Variants in PPP2R2D observed in about 807,000 individuals in gnomAD.
The protein encoded by PPP2R2D is protein phosphatase 2 regulatory subunit Bdelta.
Under a neutral mutation model 31.1 loss-of-function variants are expected in PPP2R2D, and 9 were observed. That is an observed-to-expected ratio of 0.29 (90% CI 0.17 to 0.51). PPP2R2D has a LOEUF of 0.51. PPP2R2D is among the 20% of genes least tolerant of loss of function. The pLI, the probability that PPP2R2D is intolerant of heterozygous loss-of-function variation, is 0.98. For missense variants in PPP2R2D, 391 were observed against 465.6 expected (o/e 0.84, Z 1.48); for synonymous variants, 179 against 172.6 (o/e 1.04, Z -0.29).
rs371756511 is a variant in PPP2R2D at position 131,955,905 on chromosome 10, A to G, written c.1304A>G (p.Asn435Ser). 23 of 1,590,928 alleles carry G rather than the reference A, an allele frequency of 1.4e-5. No homozygotes were observed. Among genetic ancestry groups the G allele is most frequent in the African/African-American group, 5.4e-5 (4 of 74,016 alleles). The change falls in exon 9 of 9, where the codon AAT becomes AGT. Residue 435 changes from asparagine (N) to serine (S), a missense_variant. Asn to Ser is a conservative substitution (Grantham distance 46). Transcript: ENST00000455566. The stretch of plus-strand genomic sequence containing the variant: ...CACACAGCCTGGCACCCCGTGGACA[A>G]TGTCATTGCCGTGGCTGCCACCAAT... ...ILHTAWHPVD[N>S]VIAVAATNNL...
chr10:131,945,232 C>A lies in PPP2R2D; in HGVS notation c.656-63C>A. 6.5e-7 allele frequency: 1 copy of A among 1,543,818 alleles called. No homozygotes were observed. Among genetic ancestry groups the A allele is most frequent in the South Asian group, 1.2e-5 (1 of 82,012 alleles). ...TTATTTGGCGTCCTATTTCGCGTGA[C>A]TGAATGTAGACTAATTAACAACCAG... is the stretch of plus-strand genomic sequence containing the variant. On this transcript the variant is annotated intron_variant, in intron 6 of 8. Coordinates refer to ENST00000455566, the MANE Select transcript of PPP2R2D (RefSeq NM_018461.5). This position sits in a 1 kb window ranked among gnomAD's most constrained non-coding sequence, Gnocchi z 4.8.
chr10:131,919,118 G>GTGTT lies in PPP2R2D; in HGVS notation c.101-15337_101-15336insTTGT, dbSNP rs573215343. Among the ~76,000 whole-genome samples the GTGTT allele has an allele frequency of 1.2e-3, 144 of 124,902 alleles. 22 individuals are homozygous for GTGTT. The highest frequency in any genetic ancestry group is 4.0e-3 in the African/African-American group (130 of 32,798). The allele number at this position is 124,902 out of a possible 152,430, so 81.9% of individuals were successfully genotyped here. On this transcript the variant is annotated intron_variant, in intron 2 of 8. Coordinates refer to ENST00000455566, the MANE Select transcript of PPP2R2D (RefSeq NM_018461.5). The stretch of plus-strand genomic sequence containing the variant: ...GGGACGTCAGGCGGCTGGAATGACA[G>GTGTT]TGTAGGGACCTCAGGCGGGTGGAAT...
the PPP2R2D span, chr10:131,967,479 C>T: frequency 6.6e-6 from 1 of 152,308 alleles, no homozygotes; most frequent in Non-Finnish European, 1.5e-5. Context: ...TGACTGCTTC[C>T]AAGGTAGCAT....
chr10:131,965,710 T>C, the PPP2R2D span, among the ~76,000 whole-genome samples: 1 of 152,224 alleles, frequency 6.6e-6, no homozygotes, highest in Admixed American at 6.5e-5. Context: ...CCTCCCAAAG[T>C]GCTGGGATTA....
chr10:131,959,713 G>A lies in PPP2R2D; in HGVS notation c.*3750G>A, dbSNP rs2036897042. ...CACAATTTACAAAGTCTGAGGTGTG[G>A]AACAGTTATTTAAGCATTAGTCAAC... On this transcript the variant is annotated 3_prime_UTR_variant, in exon 9 of 9. Transcript: ENST00000455566. 1 of 152,230 alleles carries A rather than the reference G, an allele frequency of 6.6e-6. No individual in the cohort carries two copies. Among genetic ancestry groups the A allele is most frequent in the African/African-American group, 2.4e-5 (1 of 41,428 alleles). 9.4% of individuals were successfully genotyped at this position (152,230 alleles called of 1,614,324 possible).
chr10:131,948,236 G>T (rs2036577056), intron 8 of PPP2R2D, among the ~76,000 whole-genome samples: 1 of 152,130 alleles, frequency 6.6e-6, no homozygotes, highest in African/African-American at 2.4e-5. Flanking sequence ...GGTCATGGCT[G>T]GTCTGAAACA....
intron 2 of PPP2R2D, among the ~76,000 whole-genome samples, chr10:131,928,566 A>G (rs558614611): frequency 1.3e-5 from 2 of 152,324 alleles, no homozygotes; most frequent in South Asian, 2.1e-4. Flanking sequence ...ATGCTTTTCA[A>G]GAGCTTCCTC....
At chr10:131,968,633 G>GA in the PPP2R2D span, 9 of 1,434,096 alleles carry the variant, frequency 6.3e-6, no homozygotes, top group Non-Finnish European at 8.8e-6. Flanking sequence ...TGTTACAGCT[G>GA]AAACAGGGTA....
rs111271917 is a variant in PPP2R2D at position 131,953,356 on chromosome 10, CG to C, written c.1083-2322del. Among the ~76,000 whole-genome samples, 8 of 48,452 alleles carry C rather than the reference CG, an allele frequency of 1.7e-4. 1 individual carries two copies. Among genetic ancestry groups the C allele is most frequent in the Admixed American group, 6.8e-4 (2 of 2,946 alleles). The allele number at this position is 48,452 out of a possible 152,430, so 31.8% of individuals were successfully genotyped here. A position where few individuals can be genotyped will look rare whatever the true frequency, so the allele number is the denominator to read the frequency against. The stretch of plus-strand genomic sequence containing the variant: ...ACTGTCTTAGTGACTTCCAGTTGTG[CG>C]GGGGGTTCACTTAGCAGTGACTTGC... On this transcript the variant is annotated intron_variant, in intron 8 of 8. Coordinates refer to ENST00000455566, the MANE Select transcript of PPP2R2D (RefSeq NM_018461.5).
chr10:131,921,425 A>G (rs1276592799), intron 2 of PPP2R2D, among the ~76,000 whole-genome samples: 1 of 152,166 alleles, frequency 6.6e-6, no homozygotes, highest in Admixed American at 6.5e-5. Context: ...CTGGGAGTCA[A>G]AAGGCTTCCC....
At chr10:131,961,077 C>T (rs946726031), downstream of PPP2R2D, among the ~76,000 whole-genome samples, 1 of 152,174 alleles carries the variant, frequency 6.6e-6, no homozygotes, top group South Asian at 2.1e-4. Context: ...AGGAATCCAG[C>T]CACAGGTGGG....
rs1214386734 is a variant in PPP2R2D at position 131,901,228 on chromosome 10, G to C, written c.8-10G>C. On this transcript the variant is annotated splice_polypyrimidine_tract_variant and intron_variant, in intron 1 of 8. Coordinates refer to ENST00000455566, the MANE Select transcript of PPP2R2D (RefSeq NM_018461.5). ...CCGCGGCCGGCCTGACCGCCCCGTT[G>C]TGTTTGCAGGAGCCGGAGGCGGCGG... 1.4e-5 allele frequency: 5 copies of C among 350,256 alleles called. No homozygotes were observed. In the East Asian group the frequency reaches 2.1e-4, roughly 15 times the overall value. 21.7% of individuals were successfully genotyped at this position (350,256 alleles called of 1,614,324 possible).
chr10:131,968,443 G>C, the PPP2R2D span: 1 of 1,201,242 alleles, frequency 8.3e-7, no homozygotes, highest in Non-Finnish European at 1.2e-6. Flanking sequence ...GGCCACCCCA[G>C]GATCTAACAG....
intron 2 of PPP2R2D, among the ~76,000 whole-genome samples, chr10:131,923,715 T>TTA (rs1303848344): frequency 1.4e-4 from 22 of 152,068 alleles, no homozygotes; most frequent in East Asian, 3.9e-4. Context: ...ATTTGGACAT[T>TTA]TATATATATA....
intron 2 of PPP2R2D, among the ~76,000 whole-genome samples, chr10:131,916,375 T>C (rs1282054621): frequency 6.6e-6 from 1 of 151,570 alleles, no homozygotes; most frequent in Non-Finnish European, 1.5e-5. Flanking sequence ...TTAATTGTGG[T>C]AAAATATACA....
intron 3 of PPP2R2D, among the ~76,000 whole-genome samples, 160 bp downstream of exon 3, chr10:131,934,715 T>G (rs2036307202): frequency 6.6e-6 from 1 of 152,204 alleles, no homozygotes; most frequent in Non-Finnish European, 1.5e-5. Flanking sequence ...TTATCTAAGT[T>G]CTGGCCTCAG....
intron 8 of PPP2R2D, among the ~76,000 whole-genome samples, chr10:131,953,377 A>G (rs2036725445): frequency 1.7e-5 from 1 of 59,552 alleles, no homozygotes; most frequent in African/African-American, 7.4e-5. Flanking sequence ...CTTAGCAGTG[A>G]CTTGCAGGTG....
chr10:131,933,250 A>G (rs917987814), intron 2 of PPP2R2D, among the ~76,000 whole-genome samples: 6 of 151,714 alleles, frequency 4.0e-5, no homozygotes, highest in Middle Eastern at 3.2e-3. Flanking sequence ...CTTCACTAAC[A>G]CGATTAAAAC....
chr10:131,920,284 C>G (rs1184047738), intron 2 of PPP2R2D, among the ~76,000 whole-genome samples: 1 of 147,892 alleles, frequency 6.8e-6, no homozygotes, highest in African/African-American at 2.5e-5. Flanking sequence ...GTGTAGGGAC[C>G]TCACACAGGT....
Sources: gnomAD v4.1 joint callset for allele counts (sites outside exome capture counted in the v4.1 genomes callset) on GRCh38, gnomAD v4.1.1 for gene constraint, Gnocchi (gnomAD v3.1) non-coding constraint, MANE v1.5 for transcripts, NCBI Gene and HGNC (gene_info 2026-07-23, HGNC 2026-07-21) for gene names.